Variants in TAF1B observed in about 807,000 individuals in gnomAD.
The protein encoded by TAF1B is TATA-box binding protein associated factor, RNA polymerase I subunit B, also known as TATA box-binding protein-associated factor RNA polymerase I subunit B.
A neutral mutation model predicts 83.9 loss-of-function variants in TAF1B; 61 were observed. The observed-to-expected ratio is 0.73, with a 90% CI of 0.59 to 0.90. The LOEUF (loss-of-function observed/expected upper bound fraction) is 0.90. TAF1B is among the 40% of genes least tolerant of loss of function. The pLI, the probability that TAF1B is intolerant of heterozygous loss-of-function variation, is 0.00. For missense variants in TAF1B, 625 were observed against 677.0 expected, an observed-to-expected ratio of 0.92 and a Z score of 0.85; for synonymous variants, 221 against 224.6, an observed-to-expected ratio of 0.98 and a Z score of 0.14.
chr2:9,925,864 T>G (rs1305224621), intron 14 of TAF1B, among the ~76,000 whole-genome samples: 1 of 152,194 alleles, frequency 6.6e-6, no homozygotes, highest in Non-Finnish European at 1.5e-5. Flanking sequence ...CATGAGCCAC[T>G]GTGCCCAACC....
At chr2:9,845,698 C>T (rs906226942) in intron 2 of TAF1B, 2 of 256,702 alleles carry the variant, frequency 7.8e-6, no homozygotes, top group Non-Finnish European at 1.5e-5. Context: ...AACTTGAGGA[C>T]TGGGCCGGGC....
chr2:9,852,999 A>G (rs1284568888), intron 4 of TAF1B, among the ~76,000 whole-genome samples: 2 of 152,232 alleles, frequency 1.3e-5, no homozygotes, highest in Non-Finnish European at 2.9e-5. Context: ...CAGAAGCATG[A>G]AGCAACAGAG....
chr2:9,892,523 G>A (rs1664901772), intron 8 of TAF1B, among the ~76,000 whole-genome samples: 1 of 152,122 alleles, frequency 6.6e-6, no homozygotes, highest in African/African-American at 2.4e-5. Flanking sequence ...TCATATAAGT[G>A]AGATCATGCA....
chr2:9,883,264 A>G (rs928851000), intron 8 of TAF1B, among the ~76,000 whole-genome samples: 103 of 152,190 alleles, frequency 6.8e-4, no homozygotes, highest in African/African-American at 2.5e-3. Context: ...AGATGTCTCC[A>G]ATGGAAGGGT....
rs772211663 is a variant in TAF1B, at chr2:9,882,800, A to G, written c.802A>G (p.Ile268Val). 6.2e-5 allele frequency: 100 copies of G among 1,602,538 alleles called. No homozygotes were observed. Among genetic ancestry groups the G allele is most frequent in the Non-Finnish European group, 7.8e-5 (92 of 1,174,706 alleles). ...LYGRDRGIFG[I>V]ESWPDYEDIY... Reference sequence around the variant, plus strand: ...TGGACGTGACAGAGGAATCTTTGGTATAGAGGTAAGTTATTTTCTTTTTTA... The same window carrying G: ...TGGACGTGACAGAGGAATCTTTGGTGTAGAGGTAAGTTATTTTCTTTTTTA... Residue 268 changes from isoleucine to valine, a missense_variant, in exon 8 of 15, where the codon ATA becomes GTA. Transcript: ENST00000263663.
chr2:9,849,527 C>T, intron 3 of TAF1B, 67 bp downstream of exon 3: 1 of 1,209,678 alleles, frequency 8.3e-7, no homozygotes, highest in Non-Finnish European at 1.1e-6. Flanking sequence ...GATGTCAGGA[C>T]ATGGAATGGA....
chr2:9,879,353 T>C (rs1664422380), intron 7 of TAF1B, among the ~76,000 whole-genome samples: 1 of 152,122 alleles, frequency 6.6e-6, no homozygotes, highest in Non-Finnish European at 1.5e-5. Context: ...TACAAGTAAC[T>C]CATGGCTGGG....
In TAF1B at chr2:9,914,240, A is replaced by G. The variant is rs1665613995; in HGVS notation, c.1271+991A>G. On this transcript the variant is annotated intron_variant, in intron 12 of 14. Coordinates refer to ENST00000263663, the MANE Select transcript of TAF1B (RefSeq NM_005680.3). The surrounding 1 kb of genome is among the most constrained non-coding windows in gnomAD (Gnocchi z 4.3). ...AGGGAAGTGTGACAGGTTCCCTCTC[A>G]GTAGGCAGGATTGATGCACAATGAA... is the stretch of plus-strand genomic sequence containing the variant. Among the ~76,000 whole-genome samples, 1 of 152,176 alleles carries G rather than the reference A, an allele frequency of 6.6e-6. No individual in the cohort carries two copies. Among genetic ancestry groups the G allele is most frequent in the Admixed American group, 6.5e-5 (1 of 15,278 alleles).
chr2:9,870,077 C>T (rs1472354556), intron 6 of TAF1B, among the ~76,000 whole-genome samples: 1 of 151,428 alleles, frequency 6.6e-6, no homozygotes, highest in Non-Finnish European at 1.5e-5. Context: ...TTTCTTCATT[C>T]TTTAAATTTT....
chr2:9,845,993 A>G, intron 2 of TAF1B: 1 of 455,374 alleles, frequency 2.2e-6, no homozygotes. Flanking sequence ...AAAAAGAGAA[A>G]GAAAGCTTGA....
rs190690996 is a variant in TAF1B, at chr2:9,892,124, G to A, written c.807+9319G>A. On this transcript the variant is annotated intron_variant, in intron 8 of 14. Coordinates refer to ENST00000263663, the MANE Select transcript of TAF1B (RefSeq NM_005680.3). The stretch of plus-strand genomic sequence containing the variant: ...TAGAGGTGTACAGTTTGTTTATACT[G>A]TATTTTTACTGTACCTTTTCTATGT... 1.1e-3 allele frequency among the ~76,000 whole-genome samples: 161 copies of A among 152,216 alleles called. 1 individual carries two copies. Among genetic ancestry groups the A allele is most frequent in the Middle Eastern group, 3.4e-3 (1 of 294 alleles).
chr2:9,847,592 G>T (rs946898797), intron 2 of TAF1B, among the ~76,000 whole-genome samples: 1 of 151,988 alleles, frequency 6.6e-6, no homozygotes, highest in African/African-American at 2.4e-5. Flanking sequence ...ATCTGGGAAA[G>T]GCCTTCCAGA....
intron 2 of TAF1B, chr2:9,845,821 A>G (rs1470660114): frequency 1.4e-5 from 4 of 277,436 alleles, no homozygotes; most frequent in African/African-American, 4.5e-5. Flanking sequence ...CGTCTCTACT[A>G]AAAATACAAC....
At chr2:9,933,733 T>C (rs1024356625) in intron 14 of TAF1B, 50 bp from the exon 15 acceptor site, 1 of 1,499,274 alleles carries the variant, frequency 6.7e-7, no homozygotes. Context: ...AGTGTGTGCA[T>C]TTCTTGGTTA....
chr2:9,867,527 A>C lies in TAF1B; in HGVS notation c.400-749A>C, dbSNP rs1276978113. The stretch of plus-strand genomic sequence containing the variant: ...GGTTTTCTTGCTTCATTGTCTTGTG[A>C]GCCTCTTTACCAGGAGTCTTAGTCT... On this transcript the variant is annotated intron_variant, in intron 5 of 14. Coordinates refer to ENST00000263663, the MANE Select transcript of TAF1B (RefSeq NM_005680.3). 2.0e-5 allele frequency among the ~76,000 whole-genome samples: 3 copies of C among 152,154 alleles called. No homozygotes were observed. In the East Asian group the frequency reaches 5.8e-4, roughly 29 times the overall value.
intron 14 of TAF1B, among the ~76,000 whole-genome samples, chr2:9,927,323 G>A: frequency 6.6e-6 from 1 of 152,096 alleles, no homozygotes; most frequent in Admixed American, 6.5e-5. Context: ...TAGTGCCACA[G>A]CAAACATACA....
chr2:9,919,347 A>G (rs1416949483), intron 13 of TAF1B, among the ~76,000 whole-genome samples: 1 of 152,166 alleles, frequency 6.6e-6, no homozygotes, highest in Non-Finnish European at 1.5e-5. Context: ...CTAAAATCCT[A>G]AATCGTTATG....
intron 5 of TAF1B, among the ~76,000 whole-genome samples, chr2:9,857,771 GA>G (rs752318102): frequency 6.6e-6 from 1 of 152,098 alleles, no homozygotes; most frequent in Admixed American, 6.6e-5. Flanking sequence ...CATGCAGGGG[GA>G]AACTGCCACT....
chr2:9,915,978 C>T (rs1308262385), intron 12 of TAF1B, among the ~76,000 whole-genome samples: 2 of 152,178 alleles, frequency 1.3e-5, no homozygotes, highest in Non-Finnish European at 2.9e-5. Context: ...CAAAAGGTTA[C>T]TTATGCTATG....
Sources: allele counts gnomAD v4.1 joint callset (sites outside exome capture counted in the v4.1 genomes callset), GRCh38; gene constraint gnomAD v4.1.1; non-coding constraint Gnocchi (gnomAD v3.1); transcripts MANE v1.5; gene names NCBI Gene and HGNC (gene_info 2026-07-23, HGNC 2026-07-21).